ARHGAP24: variants seen among roughly 807,000 people sequenced by gnomAD.
ARHGAP24 encodes rho GTPase-activating protein 24.
A neutral mutation model predicts 76.4 loss-of-function variants in ARHGAP24; 50 were observed. That is an observed-to-expected ratio of 0.65 (90% confidence interval 0.52 to 0.83). The LOEUF (loss-of-function observed/expected upper bound fraction) is 0.83. Among genes scored for constraint, ARHGAP24 ranks in the 40% least tolerant of loss-of-function variants. The pLI is 0.00. For synonymous variants in ARHGAP24, 345 were observed against 323.3 expected, an observed-to-expected ratio of 1.07 and a Z score of -0.72; for missense variants, 930 against 914.2, an observed-to-expected ratio of 1.02 and a Z score of -0.22.
At chr4:85,872,404 C>G (rs764413768) in intron 3 of ARHGAP24, among the ~76,000 whole-genome samples, 1 of 151,798 alleles carries the variant, frequency 6.6e-6, no homozygotes, top group Non-Finnish European at 1.5e-5. Flanking sequence ...TCAAGCAATT[C>G]TCCTGCCTCA....
At chr4:85,997,413 T>G (rs1740744320) in intron 9 of ARHGAP24, among the ~76,000 whole-genome samples, 1 of 151,016 alleles carries the variant, frequency 6.6e-6, no homozygotes, top group African/African-American at 2.4e-5. Flanking sequence ...GATAGATAGA[T>G]AATATTTTAC....
intron 2 of ARHGAP24, among the ~76,000 whole-genome samples, chr4:85,689,844 A>T (rs1201109822): frequency 3.3e-5 from 5 of 152,192 alleles, no homozygotes; most frequent in Non-Finnish European, 7.3e-5. Context: ...TCCTATCTGG[A>T]TACCTTTTAT....
At chr4:85,821,440 C>T (rs1729467358) in intron 3 of ARHGAP24, among the ~76,000 whole-genome samples, 1 of 152,228 alleles carries the variant, frequency 6.6e-6, no homozygotes, top group Non-Finnish European at 1.5e-5. Flanking sequence ...GTGGCACAGT[C>T]ATAGCTCACT....
chr4:85,921,499 A>G (rs534192025), intron 3 of ARHGAP24, among the ~76,000 whole-genome samples: 17 of 152,074 alleles, frequency 1.1e-4, no homozygotes, highest in African/African-American at 4.1e-4. Context: ...GTTTATCTGT[A>G]TAACAAACCT....
chr4:85,714,289 G>A (rs7659017), intron 2 of ARHGAP24, among the ~76,000 whole-genome samples: 147,676 of 152,284 alleles, frequency 0.97, 71,766 homozygotes, highest in East Asian at 1. Context: ...TTATATCAGG[G>A]ACACTCAAAA....
At chr4:85,950,877 C>T (rs1276685711) in intron 5 of ARHGAP24, among the ~76,000 whole-genome samples, 1 of 151,960 alleles carries the variant, frequency 6.6e-6, no homozygotes, top group East Asian at 1.9e-4. Flanking sequence ...CAGGGTTTTG[C>T]CATGTTGGCT....
At chr4:85,965,390 G>A (rs555703088) in intron 5 of ARHGAP24, among the ~76,000 whole-genome samples, 1 of 152,198 alleles carries the variant, frequency 6.6e-6, no homozygotes, top group Admixed American at 6.5e-5. Flanking sequence ...AATTATGAGA[G>A]CTACAAGATG....
At chr4:85,554,957 G>C (rs1312446780) in intron 1 of ARHGAP24, among the ~76,000 whole-genome samples, 2 of 151,038 alleles carry the variant, frequency 1.3e-5, no homozygotes, top group Non-Finnish European at 2.9e-5. Flanking sequence ...TGGGATTACA[G>C]GCATGAGCCA....
chr4:85,718,137 A>T (rs1040402403), intron 2 of ARHGAP24, among the ~76,000 whole-genome samples: 1 of 152,148 alleles, frequency 6.6e-6, no homozygotes, highest in African/African-American at 2.4e-5. Context: ...ACTTAGCTTC[A>T]TGGATGTTCT....
At chr4:85,840,113 C>T (rs1465193974) in intron 3 of ARHGAP24, among the ~76,000 whole-genome samples, 2 of 151,198 alleles carry the variant, frequency 1.3e-5, no homozygotes, top group Admixed American at 6.6e-5. Flanking sequence ...GATCCACCCA[C>T]CTCACCCTCC....
intron 3 of ARHGAP24, among the ~76,000 whole-genome samples, chr4:85,858,957 G>C (rs1731732059): frequency 6.7e-6 from 1 of 149,962 alleles, no homozygotes; most frequent in Non-Finnish European, 1.5e-5. Context: ...AAAAAAAAAT[G>C]CCTGAACCTC....
intron 5 of ARHGAP24, among the ~76,000 whole-genome samples, chr4:85,960,818 A>G (rs990096908): frequency 1.3e-5 from 2 of 152,146 alleles, no homozygotes; most frequent in Admixed American, 1.3e-4. Context: ...TCATAGTCCT[A>G]TCTATGAATG....
At position 85,917,418 on chromosome 4, in the gene ARHGAP24, G is replaced by A. The variant is rs536667373; in HGVS notation, c.269-6230G>A. ...AGCAGCATGATTTATAGTCCTTTGG[G>A]TATATACCCAGTAATGGGATGGCTG... On this transcript the variant is annotated intron_variant, in intron 3 of 9. Coordinates refer to ENST00000395184, the MANE Select transcript of ARHGAP24 (RefSeq NM_001025616.3). Among the ~76,000 whole-genome samples the A allele has an allele frequency of 1.1e-4, 17 of 151,838 alleles. No homozygotes were observed. In the South Asian group the frequency reaches 3.4e-3, roughly 30 times the overall value.
At chr4:85,561,168 G>A (rs1726581642) in intron 1 of ARHGAP24, among the ~76,000 whole-genome samples, 1 of 152,188 alleles carries the variant, frequency 6.6e-6, no homozygotes, top group Non-Finnish European at 1.5e-5. Flanking sequence ...TATCATGCAA[G>A]GGGAACTTTC....
intron 5 of ARHGAP24, among the ~76,000 whole-genome samples, chr4:85,944,791 T>G (rs1578416868): frequency 6.6e-6 from 1 of 152,326 alleles, no homozygotes; most frequent in East Asian, 1.9e-4. Flanking sequence ...CTTTATAAGA[T>G]GAACTTTATC....
intron 3 of ARHGAP24, among the ~76,000 whole-genome samples, chr4:85,841,013 A>G (rs1292287075): frequency 1.3e-5 from 2 of 152,242 alleles, no homozygotes; most frequent in Non-Finnish European, 2.9e-5. Flanking sequence ...AATACCTGTT[A>G]GAGAAACCAT....
intron 3 of ARHGAP24, among the ~76,000 whole-genome samples, chr4:85,758,296 C>T (rs6826143): frequency 1 from 151,804 of 152,294 alleles, 75,659 homozygotes; most frequent in Middle Eastern, 1. Flanking sequence ...GGGAGCCTAT[C>T]GTGTATGCCC....
At chr4:85,809,949 T>G (rs1728942248) in intron 3 of ARHGAP24, among the ~76,000 whole-genome samples, 1 of 152,232 alleles carries the variant, frequency 6.6e-6, no homozygotes, top group Admixed American at 6.5e-5. Flanking sequence ...CTACCCAGCA[T>G]GTAATTGAGG....
intron 1 of ARHGAP24, among the ~76,000 whole-genome samples, chr4:85,502,707 C>G (rs1238546126): frequency 3.9e-5 from 6 of 152,032 alleles, no homozygotes; most frequent in African/African-American, 1.2e-4. Flanking sequence ...TGAATACCCT[C>G]TATTTCTTTC....
Sources: gnomAD v4.1 joint callset for allele counts (sites outside exome capture counted in the v4.1 genomes callset) on GRCh38, gnomAD v4.1.1 for gene constraint, MANE v1.5 for transcripts, NCBI Gene and HGNC (gene_info 2026-07-23, HGNC 2026-07-21) for gene names.